Variants in TRAPPC9 observed in about 807,000 individuals in gnomAD.
TRAPPC9 encodes trafficking protein particle complex subunit 9, also known as IKK2 binding protein.
A neutral mutation model predicts 124.0 loss-of-function variants in TRAPPC9; 83 were observed. That is an observed-to-expected ratio of 0.67 (90% CI 0.56 to 0.80). TRAPPC9 has a LOEUF of 0.80. Ranked by LOEUF, TRAPPC9 falls within the 30% of genes least tolerant of loss-of-function variation. The pLI, the probability that TRAPPC9 is intolerant of heterozygous loss-of-function variation, is 0.00. For synonymous variants in TRAPPC9, 638 were observed against 617.5 expected (o/e 1.03, Z -0.49); for missense variants, 1,302 against 1,508.3 (o/e 0.86, Z 2.27).
At chr8:140,061,877 A>C (rs949073366) in intron 17 of TRAPPC9, among the ~76,000 whole-genome samples, 1 of 152,120 alleles carries the variant, frequency 6.6e-6, no homozygotes, top group Non-Finnish European at 1.5e-5. Context: ...TCCTCCCACC[A>C]TGGGCTTGGA....
chr8:139,803,506 G>A (rs982191542), intron 21 of TRAPPC9, among the ~76,000 whole-genome samples: 11 of 152,196 alleles, frequency 7.2e-5, no homozygotes, highest in African/African-American at 1.2e-4. Context: ...GCCCAGCACC[G>A]CTCTCTGTGC....
At position 140,365,254 on chromosome 8, in the gene TRAPPC9, A is replaced by T. The variant is rs187073573; in HGVS notation, c.1352-5061T>A. ...CCCACTTACAGATGAGAAAGTGGGC[A>T]CACAGGACTCAGGGACACGGCCAGC... is the stretch of plus-strand genomic sequence containing the variant. On this transcript the variant is annotated intron_variant, in intron 8 of 22. Transcript: ENST00000438773. Among the ~76,000 whole-genome samples, 14 of 152,252 alleles carry T rather than the reference A, an allele frequency of 9.2e-5. No homozygotes were observed. The East Asian group carries it at 2.5e-3, about 28-fold the overall frequency.
intron 17 of TRAPPC9, among the ~76,000 whole-genome samples, chr8:140,089,674 G>A (rs780725263): frequency 9.9e-5 from 15 of 152,094 alleles, no homozygotes; most frequent in East Asian, 1.9e-4. Context: ...TGAGAACCTC[G>A]CCTTCTTTAT....
chr8:140,061,170 G>C (rs770406770), intron 17 of TRAPPC9, among the ~76,000 whole-genome samples: 1 of 152,196 alleles, frequency 6.6e-6, no homozygotes, highest in Non-Finnish European at 1.5e-5. Flanking sequence ...GAAGATTTCA[G>C]AAACAGTTAA....
At chr8:139,992,524 CTT>C (rs1289720654) in intron 18 of TRAPPC9, among the ~76,000 whole-genome samples, 1 of 151,648 alleles carries the variant, frequency 6.6e-6, no homozygotes, top group Non-Finnish European at 1.5e-5. Context: ...GATGGAAAGA[CTT>C]AATATTTTTA....
intron 21 of TRAPPC9, among the ~76,000 whole-genome samples, chr8:139,750,723 G>T (rs375730536): frequency 2.0e-5 from 3 of 152,220 alleles, no homozygotes; most frequent in Non-Finnish European, 4.4e-5. Context: ...CCCTGGGCCT[G>T]CCTGGGATGA....
intron 17 of TRAPPC9, among the ~76,000 whole-genome samples, chr8:140,085,807 C>T (rs1290037520): frequency 2.0e-5 from 3 of 152,222 alleles, no homozygotes; most frequent in Admixed American, 6.5e-5. Flanking sequence ...ACATGGGGAG[C>T]CACAGCCTAT....
intron 10 of TRAPPC9, among the ~76,000 whole-genome samples, chr8:140,301,897 C>G (rs1222115189): frequency 6.6e-6 from 1 of 152,218 alleles, no homozygotes; most frequent in East Asian, 1.9e-4. Context: ...GCCTGGAGCA[C>G]TCAGCAACCT....
chr8:139,902,572 G>A (rs1437795513), intron 20 of TRAPPC9, among the ~76,000 whole-genome samples: 4 of 152,234 alleles, frequency 2.6e-5, no homozygotes, highest in Admixed American at 6.5e-5. Context: ...GGCAGGAGCC[G>A]TTTATAGTAA....
intron 9 of TRAPPC9, among the ~76,000 whole-genome samples, chr8:140,312,813 G>A (rs1302722626): frequency 2.7e-5 from 4 of 147,956 alleles, no homozygotes; most frequent in African/African-American, 1.0e-4. Context: ...AGGCTGGAGT[G>A]CAGAGGTACA....
intron 21 of TRAPPC9, among the ~76,000 whole-genome samples, chr8:139,877,032 A>C (rs1020605538): frequency 6.6e-6 from 1 of 152,162 alleles, no homozygotes; most frequent in African/African-American, 2.4e-5. Flanking sequence ...TTCACATCAC[A>C]GCTCAGAACT....
chr8:139,965,374 C>T (rs1835634566), intron 19 of TRAPPC9, among the ~76,000 whole-genome samples: 1 of 152,178 alleles, frequency 6.6e-6, no homozygotes. Flanking sequence ...CCCTGGGGTG[C>T]TGCAGCAGCT....
At position 140,150,973 on chromosome 8, in the gene TRAPPC9, C is replaced by T. The variant is rs574255384; in HGVS notation, c.2556+70486G>A. On this transcript the variant is annotated intron_variant, in intron 17 of 22. Coordinates refer to ENST00000438773, the MANE Select transcript of TRAPPC9 (RefSeq NM_001160372.4). ...ACAGCAGAGCTGAAATTATAAACGA[C>T]TTCTACTGGCTGATACACAGAACCA... Among the ~76,000 whole-genome samples, 4 of 152,330 alleles carry T rather than the reference C, an allele frequency of 2.6e-5. No individual in the cohort carries two copies. The East Asian group carries it at 7.7e-4, about 29-fold the overall frequency.
chr8:140,281,609 T>C (rs1392362507), intron 14 of TRAPPC9, among the ~76,000 whole-genome samples: 1 of 152,230 alleles, frequency 6.6e-6, no homozygotes, highest in Non-Finnish European at 1.5e-5. Flanking sequence ...TTTGATGAAG[T>C]CCAATCTGTC....
intron 16 of TRAPPC9, among the ~76,000 whole-genome samples, chr8:140,229,256 T>TTTTTTC (rs1741554358): frequency 7.7e-5 from 2 of 25,836 alleles, no homozygotes; most frequent in African/African-American, 2.1e-4. Flanking sequence ...TTTTTCTTTT[T>TTTTTTC]TTTTTTTTTT....
intron 19 of TRAPPC9, among the ~76,000 whole-genome samples, chr8:139,968,270 T>C (rs1311883578): frequency 6.6e-6 from 1 of 152,254 alleles, no homozygotes; most frequent in African/African-American, 2.4e-5. Flanking sequence ...GCCCACAGCC[T>C]GATTATCTCC....
upstream of TRAPPC9, chr8:140,458,211 C>T: frequency 6.5e-7 from 1 of 1,550,330 alleles, no homozygotes. Context: ...AGAACAGAGA[C>T]TAGGAGGAAA....
intron 17 of TRAPPC9, among the ~76,000 whole-genome samples, chr8:140,061,448 A>T (rs1842608710): frequency 1.3e-5 from 2 of 152,158 alleles, no homozygotes. Flanking sequence ...GTCCTCAAGG[A>T]GCCCGCAGTC....
intron 19 of TRAPPC9, among the ~76,000 whole-genome samples, chr8:139,917,581 G>A (rs971892137): frequency 6.6e-6 from 1 of 152,200 alleles, no homozygotes; most frequent in Non-Finnish European, 1.5e-5. Flanking sequence ...CAACACCAAA[G>A]CAATGGCGCC....
Sources: allele counts gnomAD v4.1 joint callset (sites outside exome capture counted in the v4.1 genomes callset), GRCh38; gene constraint gnomAD v4.1.1; transcripts MANE v1.5; gene names NCBI Gene and HGNC (gene_info 2026-07-23, HGNC 2026-07-21).